ATP8A1: variants seen among roughly 807,000 people sequenced by gnomAD.
ATP8A1 encodes phospholipid-transporting ATPase IA.
Under a neutral mutation model 177.7 loss-of-function variants are expected in ATP8A1, and 90 were observed. The ratio of observed to expected loss-of-function variants is 0.51; its 90% CI spans 0.43 to 0.60. The LOEUF (loss-of-function observed/expected upper bound fraction) is 0.60, where lower values mean the gene tolerates loss of function less well. ATP8A1 is among the 20% of genes least tolerant of loss of function. ATP8A1 has a pLI of 0.00. For synonymous variants in ATP8A1, 493 were observed against 485.9 expected (o/e 1.01, Z -0.19); for missense variants, 1,072 against 1,392.8 (o/e 0.77, Z 3.67).
At chr4:42,518,441 C>T (rs1725786773) in intron 22 of ATP8A1, among the ~76,000 whole-genome samples, 1 of 152,088 alleles carries the variant, frequency 6.6e-6, no homozygotes, top group South Asian at 2.1e-4. Context: ...CTTAGTGGAT[C>T]CTCAGAGTCA....
In ATP8A1 at chr4:42,446,554, C is replaced by T. The variant is rs548801572; in HGVS notation, c.2958+29G>A. 146 of 1,603,192 alleles carry T rather than the reference C, an allele frequency of 9.1e-5. 2 individuals carry two copies. Among genetic ancestry groups the T allele is most frequent in the Admixed American group, 3.2e-4 (19 of 59,682 alleles). On this transcript the variant is annotated intron_variant, in intron 31 of 36. Transcript: ENST00000381668. ...ACAGATGAAAGGTTTTGATTTTACACGCAAACGAGACCGACATCCCGCACT... is the reference window on the plus strand; with the variant it reads ...ACAGATGAAAGGTTTTGATTTTACATGCAAACGAGACCGACATCCCGCACT...
intron 22 of ATP8A1, among the ~76,000 whole-genome samples, chr4:42,517,017 T>C (rs766263439): frequency 2.6e-4 from 39 of 152,140 alleles, no homozygotes; most frequent in Non-Finnish European, 4.9e-4. Flanking sequence ...AAACCTGATT[T>C]AGGCCAGGCA....
chr4:42,415,935 T>C (rs956340764), intron 35 of ATP8A1, among the ~76,000 whole-genome samples: 4 of 152,210 alleles, frequency 2.6e-5, no homozygotes, highest in African/African-American at 9.7e-5. Context: ...TCCACATATA[T>C]ATTTTAAAGT....
intron 22 of ATP8A1, among the ~76,000 whole-genome samples, chr4:42,511,705 G>A (rs1725018337): frequency 2.0e-5 from 3 of 152,150 alleles, no homozygotes; most frequent in African/African-American, 7.2e-5. Context: ...AATGTATTAT[G>A]ATAGCTTTAG....
intron 27 of ATP8A1, among the ~76,000 whole-genome samples, 180 bp from the exon 28 acceptor site, chr4:42,455,779 A>G (rs1168933126): frequency 1.3e-5 from 2 of 152,200 alleles, no homozygotes; most frequent in Non-Finnish European, 2.9e-5. Flanking sequence ...TTCATAGGGT[A>G]TTTGTTATTT....
chr4:42,545,423 A>G (rs1269773183), intron 19 of ATP8A1, among the ~76,000 whole-genome samples: 4 of 152,110 alleles, frequency 2.6e-5, no homozygotes, highest in Non-Finnish European at 5.9e-5. Context: ...GGTGAATGAG[A>G]ACTCTCTTTT....
intron 25 of ATP8A1, among the ~76,000 whole-genome samples, chr4:42,469,310 T>G (rs976492950): frequency 6.6e-6 from 1 of 152,246 alleles, no homozygotes; most frequent in Admixed American, 6.5e-5. Flanking sequence ...CCACTTACAA[T>G]GCACCAAGTC....
chr4:42,596,490 C>T (rs1383109331), intron 6 of ATP8A1, among the ~76,000 whole-genome samples: 6 of 151,440 alleles, frequency 4.0e-5, no homozygotes, highest in South Asian at 2.1e-4. Context: ...GCCAATATGG[C>T]GAAACCCTGT....
At chr4:42,543,291 T>C (rs1033156584) in intron 20 of ATP8A1, among the ~76,000 whole-genome samples, 2 of 152,090 alleles carry the variant, frequency 1.3e-5, no homozygotes, top group Admixed American at 6.6e-5. Context: ...GGTTATAAAC[T>C]AGGTAAATGG....
At position 42,485,498 on chromosome 4, in the gene ATP8A1, A is replaced by T; in HGVS notation, c.2322T>A (p.Cys774Ter). 2 of 1,608,042 alleles carry T rather than the reference A, an allele frequency of 1.2e-6. No homozygotes were observed. The highest frequency in any genetic ancestry group is 1.7e-6 in the Non-Finnish European group (2 of 1,177,492). ...TGACAATGATAAGGAGAACTTACCG[A>T]CAGCAAATGACAGCTTTGCATGACA... ...LALSCKAVICCRVSPLQKSEV... is the reference protein window; with the variant it reads ...LALSCKAVIC Residue 774 changes from cysteine to a stop codon, truncating the protein, a stop_gained and splice_region_variant, in exon 25 of 37, where the codon TGT becomes TGA. Coordinates refer to ENST00000381668, the MANE Select transcript of ATP8A1 (RefSeq NM_006095.2). LOFTEE classifies it high-confidence loss of function.
At chr4:42,566,245 G>A (rs1731329466) in intron 15 of ATP8A1, among the ~76,000 whole-genome samples, 1 of 152,068 alleles carries the variant, frequency 6.6e-6, no homozygotes, top group East Asian at 1.9e-4. Context: ...TGTGAATACT[G>A]GTTCAAGTCG....
At chr4:42,566,310 T>C (rs1487939866) in intron 15 of ATP8A1, among the ~76,000 whole-genome samples, 6 of 152,212 alleles carry the variant, frequency 3.9e-5, no homozygotes, top group Non-Finnish European at 5.9e-5. Flanking sequence ...CAATGAACTT[T>C]ACATGAAACT....
chr4:42,563,252 T>C (rs1731024417), intron 15 of ATP8A1, among the ~76,000 whole-genome samples: 2 of 152,200 alleles, frequency 1.3e-5, no homozygotes. Context: ...TTGTTATGTT[T>C]AACAAAGAGA....
chr4:42,602,501 C>T (rs143551954), intron 5 of ATP8A1, among the ~76,000 whole-genome samples: 72 of 152,288 alleles, frequency 4.7e-4, no homozygotes, highest in African/African-American at 1.7e-3. Flanking sequence ...CAGTAGCTCA[C>T]GCTTGTAATC....
intron 24 of ATP8A1, among the ~76,000 whole-genome samples, chr4:42,487,192 C>T (rs531004915): frequency 1.4e-3 from 214 of 152,200 alleles, no homozygotes; most frequent in African/African-American, 4.9e-3. Context: ...AATAAAAGAA[C>T]GCCTTCTATC....
chr4:42,426,632 T>G (rs1229830264), intron 33 of ATP8A1, among the ~76,000 whole-genome samples: 1 of 152,262 alleles, frequency 6.6e-6, no homozygotes, highest in Non-Finnish European at 1.5e-5. Flanking sequence ...TTAACAAACT[T>G]TCTTCATTTC....
At chr4:42,433,844 G>T in intron 33 of ATP8A1, among the ~76,000 whole-genome samples, 1 of 133,802 alleles carries the variant, frequency 7.5e-6, no homozygotes. Context: ...CTGTTCTCTG[G>T]CAAGAGAGTA....
chr4:42,635,380 G>A (rs1448747065), intron 1 of ATP8A1, among the ~76,000 whole-genome samples: 2 of 151,950 alleles, frequency 1.3e-5, no homozygotes, highest in African/African-American at 4.8e-5. Flanking sequence ...AACATATTTA[G>A]GAGAGTGCAA....
chr4:42,530,671 T>C (rs1005022450), intron 20 of ATP8A1, among the ~76,000 whole-genome samples: 4 of 152,188 alleles, frequency 2.6e-5, no homozygotes, highest in Non-Finnish European at 5.9e-5. Flanking sequence ...GCTAGATTGA[T>C]AGAAGGGTGG....
Sources: allele counts gnomAD v4.1 joint callset (sites outside exome capture counted in the v4.1 genomes callset), GRCh38; gene constraint gnomAD v4.1.1; transcripts MANE v1.5; gene names NCBI Gene and HGNC (gene_info 2026-07-23, HGNC 2026-07-21).